Variants in FANCC observed in about 807,000 individuals in gnomAD.
The protein encoded by FANCC is Fanconi anemia group C protein.
In FANCC, 55 loss-of-function variants were observed where a neutral mutation model predicts 71.3. The ratio of observed to expected loss-of-function variants is 0.77; its 90% CI spans 0.62 to 0.97. The LOEUF is 0.97. FANCC is among the 50% of genes least tolerant of loss of function. The pLI is 0.00. For synonymous variants in FANCC, 275 were observed against 244.9 expected (o/e 1.12, Z -1.15); for missense variants, 678 against 670.9 (o/e 1.01, Z -0.12).
At position 95,150,072 on chromosome 9, in the gene FANCC, T is replaced by C. The variant is rs1365542207; in HGVS notation, c.537A>G (p.Arg179=). Residue 179 remains arginine (R), a synonymous_variant, in exon 7 of 15, where the codon CGA becomes CGG. Coordinates refer to ENST00000289081, the MANE Select transcript of FANCC (RefSeq NM_000136.3). ...CACAAACTCGTGACAGGGACGCCAC[T>C]CGCTCGGGAGCCATTCTATGGAAGA... ...FNTQRRMAPE[R]VASLSRVCVP... is the part of the protein sequence containing the mutation. 6.2e-7 allele frequency: 1 copy of C among 1,614,088 alleles called. No individual in the cohort carries two copies. The highest frequency in any genetic ancestry group is 8.5e-7 in the Non-Finnish European group (1 of 1,180,000).
chr9:95,307,020 G>A (rs1835107179), intron 1 of FANCC, among the ~76,000 whole-genome samples: 1 of 152,044 alleles, frequency 6.6e-6, no homozygotes, highest in South Asian at 2.1e-4. Context: ...CACTGTATGG[G>A]TCTACAGTTG....
At chr9:95,193,974 TTC>T (rs1400323347) in intron 4 of FANCC, among the ~76,000 whole-genome samples, 2 of 152,180 alleles carry the variant, frequency 1.3e-5, no homozygotes, top group African/African-American at 4.8e-5. Flanking sequence ...TCTTCTCTCC[TTC>T]TGAGTCCACC....
At chr9:95,140,084 C>T (rs1205387358) in intron 7 of FANCC, among the ~76,000 whole-genome samples, 1 of 151,836 alleles carries the variant, frequency 6.6e-6, no homozygotes, top group Non-Finnish European at 1.5e-5. Flanking sequence ...CCCCCAAATC[C>T]CTACCTAATA....
At chr9:95,167,479 T>C (rs1825377082) in intron 6 of FANCC, among the ~76,000 whole-genome samples, 2 of 152,194 alleles carry the variant, frequency 1.3e-5, no homozygotes, top group South Asian at 4.1e-4. Flanking sequence ...TGTCTTAGGC[T>C]TTCTTGACTT....
At chr9:95,226,338 TAGAC>T (rs1386497598) in intron 4 of FANCC, among the ~76,000 whole-genome samples, 1 of 152,214 alleles carries the variant, frequency 6.6e-6, no homozygotes, top group Non-Finnish European at 1.5e-5. Context: ...TATTCAATAA[TAGAC>T]AGGGGGTGAA....
intron 4 of FANCC, among the ~76,000 whole-genome samples, chr9:95,202,301 A>C (rs959980526): frequency 6.6e-6 from 1 of 152,186 alleles, no homozygotes; most frequent in African/African-American, 2.4e-5. Context: ...TTAACGGGGC[A>C]GGGCTGCCTC....
chr9:95,295,262 G>C (rs1834295225), intron 1 of FANCC, among the ~76,000 whole-genome samples: 1 of 151,878 alleles, frequency 6.6e-6, no homozygotes, highest in Admixed American at 6.6e-5. Context: ...CTACAGAATG[G>C]GAGAAAATAT....
rs2135890639 is a variant in FANCC at position 95,213,745 on chromosome 9, T to C, written c.345+26904A>G. Among the ~76,000 whole-genome samples the C allele has an allele frequency of 2.6e-5, 4 of 152,276 alleles. 1 individual carries two copies. The Middle Eastern group carries it at 0.01, about 388-fold the overall frequency. On this transcript the variant is annotated intron_variant, in intron 4 of 14. Transcript: ENST00000289081. ...GGGCAAAGCTTTATGACAACAGATT[T>C]GGCAATGATTTCTTGGATGTGACAC...
intron 1 of FANCC, among the ~76,000 whole-genome samples, chr9:95,309,301 A>G (rs896796895): frequency 2.0e-5 from 3 of 152,170 alleles, no homozygotes; most frequent in Non-Finnish European, 2.9e-5. Context: ...TACTTCATAA[A>G]TAAAATGCAT....
intron 6 of FANCC, among the ~76,000 whole-genome samples, chr9:95,155,627 C>A: frequency 6.6e-6 from 1 of 152,094 alleles, no homozygotes; most frequent in Non-Finnish European, 1.5e-5. Flanking sequence ...CACCCTTGGA[C>A]AGAAGACAAG....
intron 6 of FANCC, among the ~76,000 whole-genome samples, chr9:95,155,769 G>A (rs28535719): frequency 0.022 from 3,412 of 152,214 alleles, 135 homozygotes; most frequent in African/African-American, 0.078. Context: ...CCAGGCTAGA[G>A]TGCAGTGGTG....
At chr9:95,129,953 T>TTTA (rs1826635095) in intron 8 of FANCC, among the ~76,000 whole-genome samples, 1 of 152,110 alleles carries the variant, frequency 6.6e-6, no homozygotes, top group South Asian at 2.1e-4. Context: ...AATTGCATTG[T>TTTA]TTATCTCCCC....
In FANCC at chr9:95,135,401, G is replaced by C. The variant is rs2135166259; in HGVS notation, c.788C>G (p.Ser263Cys). The C allele has an allele frequency of 1.2e-6, 2 of 1,614,004 alleles. No individual in the cohort carries two copies. Among genetic ancestry groups the C allele is most frequent in the Non-Finnish European group, 1.7e-6 (2 of 1,179,964 alleles). ...CCTTCTCAGACAATTTCTCTCACTG[G>C]AGATTAGCTTTTCAAAAAGATGCAG... The part of the protein sequence containing the change: ...AMLHLFEKLI[S>C]SERNCLRRIE... Residue 263 changes from serine to cysteine, a missense_variant, in exon 8 of 15, where the codon TCC (serine) becomes TGC (cysteine). Transcript: ENST00000289081.
At chr9:95,135,223 A>T (rs1827498572) in intron 8 of FANCC, 123 bp downstream of exon 8, 1 of 957,264 alleles carries the variant, frequency 1.0e-6, no homozygotes. Flanking sequence ...TAAATACACG[A>T]TTATATATAA....
At chr9:95,149,896 G>A (rs2135425545) in intron 7 of FANCC, 27 bp downstream of exon 7, 1 of 1,576,528 alleles carries the variant, frequency 6.3e-7, no homozygotes, top group African/African-American at 1.3e-5. Flanking sequence ...AAACGACGCA[G>A]GATGACAGGA....
At chr9:95,155,271 A>AGAGGGGAGGGGAGGG (rs1830397317) in intron 6 of FANCC, among the ~76,000 whole-genome samples, 3 of 24,696 alleles carry the variant, frequency 1.2e-4, no homozygotes, top group Non-Finnish European at 2.2e-4. Context: ...GGAGGGGAGG[A>AGAGGGGAGGGGAGGG]AAGGGGAGGG....
chr9:95,283,901 C>T (rs1833517778), intron 1 of FANCC, among the ~76,000 whole-genome samples: 1 of 152,206 alleles, frequency 6.6e-6, no homozygotes. Context: ...AACATACTAG[C>T]TATGTGACCT....
At chr9:95,247,732 A>G (rs1302177632) in intron 2 of FANCC, among the ~76,000 whole-genome samples, 3 of 152,236 alleles carry the variant, frequency 2.0e-5, no homozygotes, top group Admixed American at 6.5e-5. Flanking sequence ...TGGGGTCACC[A>G]AACTAAGATG....
chr9:95,131,535 CCT>C (rs1395723454), intron 8 of FANCC, among the ~76,000 whole-genome samples: 8 of 152,196 alleles, frequency 5.3e-5, no homozygotes, highest in African/African-American at 1.4e-4. Flanking sequence ...CTGGTGCCCC[CCT>C]GAGGCTAATT....
Sources: allele counts gnomAD v4.1 joint callset (sites outside exome capture counted in the v4.1 genomes callset), GRCh38; gene constraint gnomAD v4.1.1; transcripts MANE v1.5; gene names NCBI Gene and HGNC (gene_info 2026-07-23, HGNC 2026-07-21).